The following TRHDE variants were observed in gnomAD, a reference collection of about 807,000 sequenced individuals.
TRHDE encodes the protein thyrotropin releasing hormone degrading enzyme, also known as thyrotropin-releasing hormone-degrading ectoenzyme.
In TRHDE, 72 loss-of-function variants were observed where a neutral mutation model predicts 125.7. The observed-to-expected ratio is 0.57, with a 90% CI of 0.47 to 0.70. TRHDE has a LOEUF of 0.70. Among genes scored for constraint, TRHDE ranks in the 30% least tolerant of loss-of-function variants. The probability of loss-of-function intolerance (pLI) is 0.00; values close to 1 mark genes in which losing one functional copy is unlikely to be tolerated. For synonymous variants in TRHDE, 509 were observed against 509.1 expected (o/e 1.00, Z 0.00); for missense variants, 1,110 against 1,327.1 (o/e 0.84, Z 2.54).
chr12:72,421,543 A>G (rs199502261), intron 3 of TRHDE, among the ~76,000 whole-genome samples: 1 of 152,190 alleles, frequency 6.6e-6, no homozygotes, highest in East Asian at 1.9e-4. Flanking sequence ...TGGCCTCTAA[A>G]GTTATGTGGC....
At chr12:72,323,604 T>C (rs1291315545) in intron 2 of TRHDE, among the ~76,000 whole-genome samples, 3 of 152,060 alleles carry the variant, frequency 2.0e-5, no homozygotes, top group Non-Finnish European at 2.9e-5. Flanking sequence ...TATATAAGGG[T>C]ACCTGATACA....
intron 2 of TRHDE, among the ~76,000 whole-genome samples, chr12:72,322,376 T>C (rs1869135691): frequency 6.6e-6 from 1 of 152,106 alleles, no homozygotes; most frequent in Admixed American, 6.6e-5. Flanking sequence ...CTATCTAGTG[T>C]TTCTCTGTGC....
At position 72,176,393 on chromosome 12, in the gene TRHDE, G is replaced by T. The variant is rs112419040; in HGVS notation, n.279+70641G>T. 3.3e-3 allele frequency among the ~76,000 whole-genome samples: 509 copies of T among 152,184 alleles called. 5 individuals carry two copies. Among genetic ancestry groups the T allele is most frequent in the African/African-American group, 0.011 (472 of 41,520 alleles). The stretch of plus-strand genomic sequence containing the variant: ...ATGGCTTGGGAAGGGAATGAGCTCA[G>T]GCTAGCTGACTCTGCAGCTGATGCA... On this transcript the variant is annotated intron_variant and non_coding_transcript_variant, in intron 2 of 4. Coordinates refer to the TRHDE transcript ENST00000548156.
intron 2 of TRHDE, among the ~76,000 whole-genome samples, chr12:72,371,847 A>AACAT (rs1245153102): frequency 2.0e-5 from 3 of 152,178 alleles, no homozygotes; most frequent in African/African-American, 7.2e-5. Flanking sequence ...TGCCGCAATA[A>AACAT]ACATACATGT....
intron 2 of TRHDE, among the ~76,000 whole-genome samples, chr12:72,200,110 T>A (rs2139354262): frequency 1.3e-5 from 2 of 152,150 alleles, no homozygotes; most frequent in South Asian, 4.1e-4. Context: ...GACTAAAGAG[T>A]CTTTTTATTT....
intron 3 of TRHDE, among the ~76,000 whole-genome samples, chr12:72,397,732 G>A (rs1872857423): frequency 6.6e-6 from 1 of 152,168 alleles, no homozygotes; most frequent in South Asian, 2.1e-4. Flanking sequence ...GAGAGAGAGA[G>A]AGAGACAAAG....
intron 2 of TRHDE, among the ~76,000 whole-genome samples, chr12:72,194,927 G>A (rs1221557108): frequency 6.6e-6 from 1 of 152,042 alleles, no homozygotes; most frequent in East Asian, 1.9e-4. Flanking sequence ...TTCTCATGTT[G>A]CTATGAAGAA....
Position 72,563,044 on chromosome 12 carries a change from T to G in TRHDE, c.2042+4T>G. ...CACTTAAACTTCAGAATAACAGGTA[T>G]GACATTCTTTTTTACGTGAAAAATA... On this transcript the variant is annotated splice_donor_region_variant and intron_variant, in intron 9 of 18. Coordinates refer to ENST00000261180, the MANE Select transcript of TRHDE (RefSeq NM_013381.3). 6.4e-7 allele frequency: 1 copy of G among 1,562,844 alleles called. No individual in the cohort carries two copies. The highest frequency in any genetic ancestry group is 8.7e-7 in the Non-Finnish European group (1 of 1,153,142).
At position 72,641,599 on chromosome 12, in the gene TRHDE, T is replaced by C. The variant is rs546981391; in HGVS notation, c.2676-10723T>C. On this transcript the variant is annotated intron_variant, in intron 15 of 18. Transcript: ENST00000261180. ...GTATATTTTATTATATGACTAATTA[T>C]TAATCTATATCATTGTCAGTTGCTA... Among the ~76,000 whole-genome samples the C allele has an allele frequency of 2.6e-5, 4 of 152,316 alleles. No individual in the cohort carries two copies. In the East Asian group the frequency reaches 7.7e-4, roughly 29 times the overall value.
chr12:72,660,263 G>A (rs181612791), intron 18 of TRHDE, among the ~76,000 whole-genome samples: 115 of 152,222 alleles, frequency 7.6e-4, no homozygotes, highest in Non-Finnish European at 7.4e-5. Context: ...CCAGAAGTAC[G>A]GGAGGAACGT....
At chr12:72,191,395 C>T (rs959788683) in intron 2 of TRHDE, among the ~76,000 whole-genome samples, 1 of 152,168 alleles carries the variant, frequency 6.6e-6, no homozygotes, top group Non-Finnish European at 1.5e-5. Context: ...CCTTCAGTTT[C>T]CACAGCCCTT....
At chr12:72,238,063 C>A (rs1007514882) in intron 2 of TRHDE, among the ~76,000 whole-genome samples, 1 of 151,552 alleles carries the variant, frequency 6.6e-6, no homozygotes, top group Admixed American at 6.6e-5. Flanking sequence ...TTGGCATTGA[C>A]ATTGAATGAA....
intron 2 of TRHDE, chr12:72,303,044 T>G (rs1263401113): frequency 2.6e-5 from 4 of 152,182 alleles, no homozygotes; most frequent in African/African-American, 9.7e-5. Flanking sequence ...CTTTGGTGGT[T>G]GATGATCTTA....
chr12:72,568,741 A>T (rs942642050), intron 10 of TRHDE, 85 bp downstream of exon 10: 14 of 855,562 alleles, frequency 1.6e-5, no homozygotes, highest in Non-Finnish European at 2.6e-5. Context: ...CTGTTATAAA[A>T]TGTGAATAAA....
intron 2 of TRHDE, among the ~76,000 whole-genome samples, chr12:72,131,877 T>C (rs886651652): frequency 2.0e-5 from 3 of 152,190 alleles, no homozygotes; most frequent in Non-Finnish European, 4.4e-5. Flanking sequence ...AGGGGAAGCA[T>C]GTTCCCCCTA....
chr12:72,612,335 T>C (rs1307842553), intron 12 of TRHDE, among the ~76,000 whole-genome samples: 1 of 152,142 alleles, frequency 6.6e-6, no homozygotes, highest in African/African-American at 2.4e-5. Context: ...GCATCTGGGA[T>C]CACATTATGT....
chr12:72,292,497 C>T (rs1880126059), intron 2 of TRHDE, among the ~76,000 whole-genome samples: 1 of 152,180 alleles, frequency 6.6e-6, no homozygotes, highest in Non-Finnish European at 1.5e-5. Context: ...CCAGGTGGCA[C>T]TTTGAGTGTT....
chr12:72,442,102 G>T (rs937782749), intron 3 of TRHDE, among the ~76,000 whole-genome samples: 4 of 151,784 alleles, frequency 2.6e-5, no homozygotes, highest in African/African-American at 9.7e-5. Flanking sequence ...GGATTATTTG[G>T]GATTTACGTT....
intron 3 of TRHDE, among the ~76,000 whole-genome samples, chr12:72,380,768 T>A (rs1215302057): frequency 5.2e-5 from 5 of 96,328 alleles, no homozygotes; most frequent in South Asian, 7.2e-4. Context: ...CCTTCCTTGC[T>A]TCCTTCCTTC....
Sources: gnomAD v4.1 joint callset for allele counts (sites outside exome capture counted in the v4.1 genomes callset) on GRCh38, gnomAD v4.1.1 for gene constraint, MANE v1.5 for transcripts, NCBI Gene and HGNC (gene_info 2026-07-23, HGNC 2026-07-21) for gene names.